Variants in NTM observed in about 807,000 individuals in gnomAD.
NTM encodes the protein neurotrimin, also known as IgLON family member 2.
In NTM, 13 loss-of-function variants were observed where a neutral mutation model predicts 42.1. The ratio of observed to expected loss-of-function variants is 0.31; its 90% CI spans 0.20 to 0.49. The LOEUF (loss-of-function observed/expected upper bound fraction) is 0.49, where lower values mean the gene tolerates loss of function less well. NTM is among the 20% of genes least tolerant of loss of function. The pLI is 0.99. For synonymous variants in NTM, 187 were observed against 179.2 expected (o/e 1.04, Z -0.35); for missense variants, 373 against 452.8 (o/e 0.82, Z 1.60).
chr11:131,820,785 A>T (rs1275723239), intron 1 of NTM, among the ~76,000 whole-genome samples: 1 of 152,202 alleles, frequency 6.6e-6, no homozygotes, highest in Non-Finnish European at 1.5e-5. Context: ...TCACTTGGTA[A>T]ATGAGCTGGA....
chr11:132,128,160 G>A (rs1039652583), intron 2 of NTM, among the ~76,000 whole-genome samples: 2 of 152,184 alleles, frequency 1.3e-5, no homozygotes, highest in African/African-American at 4.8e-5. Flanking sequence ...GCACATGGCA[G>A]TGGTATAGGA....
chr11:131,495,197 G>A (rs532507513), intron 1 of NTM, among the ~76,000 whole-genome samples: 2 of 152,264 alleles, frequency 1.3e-5, no homozygotes, highest in East Asian at 1.9e-4. Context: ...ACACATAGCC[G>A]CTAGTTCCCA....
chr11:131,992,219 G>C (rs2067154148), intron 2 of NTM, among the ~76,000 whole-genome samples: 1 of 152,152 alleles, frequency 6.6e-6, no homozygotes, highest in Admixed American at 6.5e-5. Context: ...TTACTGAATT[G>C]ATAGTAAATC....
At chr11:132,249,134 T>C (rs1373468244) in intron 4 of NTM, among the ~76,000 whole-genome samples, 2 of 152,112 alleles carry the variant, frequency 1.3e-5, no homozygotes, top group Non-Finnish European at 2.9e-5. Context: ...CTCTCCAAGC[T>C]CTCTCCAGAG....
At position 131,588,065 on chromosome 11, in the gene NTM, A is replaced by T. The variant is rs148901302; in HGVS notation, c.82+217177A>T. Among the ~76,000 whole-genome samples the T allele has an allele frequency of 1.1e-4, 17 of 152,362 alleles. No individual in the cohort carries two copies. In the East Asian group the frequency reaches 3.3e-3, roughly 29 times the overall value. ...CATGTATTGTCTCCTTTAATTTTAC[A>T]TCACCATATGAGGTGGTTACTAAAA... On this transcript the variant is annotated intron_variant, in intron 1 of 8. Coordinates refer to ENST00000683400, the MANE Select transcript of NTM (RefSeq NM_001352005.2).
At chr11:131,841,684 AAGGG>A (rs986318614) in intron 1 of NTM, among the ~76,000 whole-genome samples, 2 of 152,186 alleles carry the variant, frequency 1.3e-5, no homozygotes, top group African/African-American at 4.8e-5. Flanking sequence ...ACAAGCTACT[AAGGG>A]AGCCCTATTG....
At chr11:132,123,448 A>G (rs1566223304) in intron 2 of NTM, among the ~76,000 whole-genome samples, 2 of 152,190 alleles carry the variant, frequency 1.3e-5, no homozygotes, top group Non-Finnish European at 2.9e-5. Context: ...AACAATTAAT[A>G]ACAGTGTCAG....
intron 2 of NTM, among the ~76,000 whole-genome samples, chr11:131,929,122 T>G (rs113099364): frequency 0.014 from 2,187 of 152,306 alleles, 55 homozygotes; most frequent in African/African-American, 0.05. Flanking sequence ...TAGTGCTGAA[T>G]GCTCTGAAGA....
intron 2 of NTM, among the ~76,000 whole-genome samples, chr11:131,912,413 G>A (rs895213512): frequency 6.6e-6 from 1 of 150,626 alleles, no homozygotes; most frequent in Non-Finnish European, 1.5e-5. Context: ...ACAGGCACTG[G>A]GGGAGGAGAA....
At chr11:131,544,604 C>G (rs1473686125) in intron 1 of NTM, among the ~76,000 whole-genome samples, 1 of 152,148 alleles carries the variant, frequency 6.6e-6, no homozygotes, top group Non-Finnish European at 1.5e-5. Context: ...CATGGTGGCA[C>G]TAGGATATCT....
chr11:132,122,370 T>G (rs747485528), intron 2 of NTM, among the ~76,000 whole-genome samples: 36 of 152,192 alleles, frequency 2.4e-4, no homozygotes, highest in Non-Finnish European at 4.1e-4. Flanking sequence ...CCAACTGGTT[T>G]TATTTCAACA....
At chr11:132,145,425 C>A (rs1009861083) in intron 2 of NTM, among the ~76,000 whole-genome samples, 1 of 152,086 alleles carries the variant, frequency 6.6e-6, no homozygotes, top group African/African-American at 2.4e-5. Context: ...AGCCTAAGGC[C>A]ATGGAACAGA....
At chr11:131,458,126 G>T (rs1951064718) in intron 1 of NTM, among the ~76,000 whole-genome samples, 1 of 152,218 alleles carries the variant, frequency 6.6e-6, no homozygotes, top group Non-Finnish European at 1.5e-5. Flanking sequence ...ACTGAGCCTG[G>T]AGTTACTCCA....
At chr11:131,601,160 C>G (rs2060452234) in intron 1 of NTM, among the ~76,000 whole-genome samples, 2 of 152,228 alleles carry the variant, frequency 1.3e-5, no homozygotes, top group Non-Finnish European at 2.9e-5. Context: ...CCCTTTCAAC[C>G]TCAACCTCTG....
intron 1 of NTM, among the ~76,000 whole-genome samples, chr11:131,460,646 G>A (rs555495753): frequency 7.2e-5 from 11 of 152,092 alleles, no homozygotes; most frequent in Non-Finnish European, 1.2e-4. Flanking sequence ...TCTGCCTCCC[G>A]GGTTCAAGCG....
chr11:132,012,732 G>A (rs1324555730), intron 2 of NTM, among the ~76,000 whole-genome samples: 1 of 152,072 alleles, frequency 6.6e-6, no homozygotes, highest in South Asian at 2.1e-4. Flanking sequence ...AGGTTATTTA[G>A]AACAAGCTAA....
At chr11:132,219,297 AC>A (rs955029059) in intron 4 of NTM, among the ~76,000 whole-genome samples, 19 of 151,942 alleles carry the variant, frequency 1.3e-4, no homozygotes, top group African/African-American at 4.6e-4. Context: ...CAACTATGGC[AC>A]CTCTTACAGG....
Position 132,184,114 on chromosome 11 carries a change from G to A in NTM, c.401-27908G>A, listed in dbSNP as rs183846558. Among the ~76,000 whole-genome samples the A allele has an allele frequency of 3.4e-3, 522 of 152,294 alleles. 5 individuals carry two copies. Among genetic ancestry groups the A allele is most frequent in the African/African-American group, 0.012 (481 of 41,582 alleles). ...TCAAACATTTTACTACCGTTTTTGA[G>A]AGCCTCTTTTGAAAGCAGTGAGTTT... is the stretch of plus-strand genomic sequence containing the variant. On this transcript the variant is annotated intron_variant, in intron 3 of 8. Coordinates refer to ENST00000683400, the MANE Select transcript of NTM (RefSeq NM_001352005.2).
chr11:131,889,864 G>T (rs772856838), intron 1 of NTM, among the ~76,000 whole-genome samples: 2 of 152,070 alleles, frequency 1.3e-5, no homozygotes, highest in Non-Finnish European at 2.9e-5. Context: ...ATGATAAATT[G>T]TTTCCAAAAC....
Sources: gnomAD v4.1 joint callset for allele counts (sites outside exome capture counted in the v4.1 genomes callset) on GRCh38, gnomAD v4.1.1 for gene constraint, MANE v1.5 for transcripts, NCBI Gene and HGNC (gene_info 2026-07-23, HGNC 2026-07-21) for gene names.